PDGFD: variants seen among roughly 807,000 people sequenced by gnomAD.
PDGFD encodes the protein platelet derived growth factor D.
Under a neutral mutation model 44.7 loss-of-function variants are expected in PDGFD, and 30 were observed. The observed-to-expected ratio is 0.67, with a 90% CI of 0.50 to 0.91. PDGFD has a LOEUF of 0.91. Ranked by LOEUF, PDGFD falls within the 40% of genes least tolerant of loss-of-function variation. The pLI is 0.00. For missense variants in PDGFD, 445 were observed against 457.8 expected (o/e 0.97, Z 0.25); for synonymous variants, 173 against 168.4 (o/e 1.03, Z -0.21).
rs553980356 is a variant in PDGFD, at chr11:104,063,653, A to G, written c.125-63398T>C. On this transcript the variant is annotated intron_variant, in intron 1 of 6. Transcript: ENST00000393158. ...TGGCTGGGGAGGCCTCAGGAAACTT[A>G]CAATCATGACAGAAGGTAAAGGGGA... Among the ~76,000 whole-genome samples, 6 of 152,296 alleles carry G rather than the reference A, an allele frequency of 3.9e-5. No homozygotes were observed. The Middle Eastern group carries it at 0.01, about 259-fold the overall frequency.
chr11:103,985,133 TTAATATA>T (rs1319604602), intron 3 of PDGFD, among the ~76,000 whole-genome samples: 7 of 141,454 alleles, frequency 4.9e-5, no homozygotes, highest in Non-Finnish European at 9.1e-5. Context: ...ATTAATTTAT[TTAATATA>T]TAATATATTA....
intron 3 of PDGFD, among the ~76,000 whole-genome samples, chr11:103,995,465 GC>G (rs1859520575): frequency 6.6e-6 from 1 of 152,166 alleles, no homozygotes; most frequent in African/African-American, 2.4e-5. Context: ...GAGAATGGCT[GC>G]TGAGGTGTTT....
intron 1 of PDGFD, among the ~76,000 whole-genome samples, chr11:104,053,569 G>A (rs1860575223): frequency 6.6e-6 from 1 of 152,100 alleles, no homozygotes; most frequent in Non-Finnish European, 1.5e-5. Context: ...ATAAATTGCA[G>A]ATAAACTATT....
At chr11:104,064,365 T>C (rs932625493) in intron 1 of PDGFD, among the ~76,000 whole-genome samples, 1 of 152,210 alleles carries the variant, frequency 6.6e-6, no homozygotes, top group Non-Finnish European at 1.5e-5. Flanking sequence ...GTATTCTTTA[T>C]ACAGATGCCA....
At chr11:104,028,199 A>T (rs1318945131) in intron 1 of PDGFD, among the ~76,000 whole-genome samples, 1 of 151,810 alleles carries the variant, frequency 6.6e-6, no homozygotes, top group Non-Finnish European at 1.5e-5. Flanking sequence ...AAGAAAAAAA[A>T]AAAAAAAAAA....
chr11:104,043,213 A>C (rs1246501756), intron 1 of PDGFD, among the ~76,000 whole-genome samples: 1 of 152,178 alleles, frequency 6.6e-6, no homozygotes, highest in Admixed American at 6.5e-5. Context: ...AAATACAACA[A>C]GGAAGGATCT....
intron 1 of PDGFD, among the ~76,000 whole-genome samples, chr11:104,004,008 A>G (rs1164976744): frequency 1.3e-5 from 2 of 152,246 alleles, no homozygotes; most frequent in Non-Finnish European, 2.9e-5. Flanking sequence ...CAATAGACGG[A>G]GAAAAGACCA....
intron 1 of PDGFD, among the ~76,000 whole-genome samples, chr11:104,146,823 G>A (rs546995245): frequency 9.9e-5 from 15 of 152,068 alleles, no homozygotes; most frequent in African/African-American, 3.4e-4. Context: ...TATTCCAGGA[G>A]CCAGAGGGGA....
intron 1 of PDGFD, among the ~76,000 whole-genome samples, chr11:104,005,999 T>C (rs1358061348): frequency 6.6e-6 from 1 of 152,240 alleles, no homozygotes; most frequent in Non-Finnish European, 1.5e-5. Flanking sequence ...AATTAAAATT[T>C]TTAAAAAGCC....
intron 1 of PDGFD, among the ~76,000 whole-genome samples, chr11:104,144,282 G>A (rs541676627): frequency 6.6e-6 from 1 of 152,114 alleles, no homozygotes; most frequent in South Asian, 2.1e-4. Flanking sequence ...CGAAGTGGGT[G>A]GGTCACTTGA....
At chr11:103,958,061 A>T (rs1044177897) in intron 3 of PDGFD, among the ~76,000 whole-genome samples, 1 of 152,160 alleles carries the variant, frequency 6.6e-6, no homozygotes, top group African/African-American at 2.4e-5. Flanking sequence ...TAAAAAAAAA[A>T]ACTCTGTGAT....
At position 104,140,694 on chromosome 11, in the gene PDGFD, C is replaced by G. The variant is rs567833282; in HGVS notation, c.124+23110G>C. Among the ~76,000 whole-genome samples, 5 of 152,266 alleles carry G rather than the reference C, an allele frequency of 3.3e-5. No homozygotes were observed. In the South Asian group the frequency reaches 6.2e-4, roughly 19 times the overall value. Reference sequence around the variant, plus strand: ...CTAGACATTTCTAACTATATCCCCCCCTGAACATTATCCTGGCAACTGAAG... The same window carrying G: ...CTAGACATTTCTAACTATATCCCCCGCTGAACATTATCCTGGCAACTGAAG... On this transcript the variant is annotated intron_variant, in intron 1 of 6. Transcript: ENST00000393158.
At chr11:103,971,793 C>T (rs550566014) in intron 3 of PDGFD, among the ~76,000 whole-genome samples, 14 of 152,256 alleles carry the variant, frequency 9.2e-5, no homozygotes, top group Admixed American at 3.3e-4. Context: ...ATTATATCAG[C>T]GAAGAACACT....
chr11:103,997,433 T>C (rs1328018349), intron 2 of PDGFD, among the ~76,000 whole-genome samples: 2 of 152,148 alleles, frequency 1.3e-5, no homozygotes, highest in Non-Finnish European at 2.9e-5. Flanking sequence ...TAAAAAATAA[T>C]GATATTGTGA....
intron 1 of PDGFD, among the ~76,000 whole-genome samples, chr11:104,040,704 T>G (rs1306948505): frequency 7.6e-6 from 1 of 130,782 alleles, no homozygotes; most frequent in African/African-American, 2.5e-5. Flanking sequence ...ATATTCAAAG[T>G]TCAGTGATTT....
In PDGFD at chr11:103,949,383, C is replaced by T. The variant is rs1410663481; in HGVS notation, c.511-1659G>A. ...TCTGCACTCTGCAAAACAGAATAGA[C>T]ACTAAAAGGACACTGAATTCCCACA... On this transcript the variant is annotated intron_variant, in intron 3 of 6. Transcript: ENST00000393158. Among the ~76,000 whole-genome samples the T allele has an allele frequency of 2.0e-5, 3 of 152,174 alleles. No individual in the cohort carries two copies. The East Asian group carries it at 5.8e-4, about 29-fold the overall frequency.
chr11:104,055,786 A>C (rs142890947), intron 1 of PDGFD, among the ~76,000 whole-genome samples: 1 of 152,182 alleles, frequency 6.6e-6, no homozygotes, highest in South Asian at 2.1e-4. Context: ...ATTACTACTG[A>C]AGTACAAGCA....
chr11:104,048,748 CACTG>C (rs1164959762), intron 1 of PDGFD, among the ~76,000 whole-genome samples: 1 of 152,162 alleles, frequency 6.6e-6, no homozygotes, highest in Non-Finnish European at 1.5e-5. Context: ...AAAAAATAGA[CACTG>C]AGAGTTATAC....
chr11:103,950,494 C>T (rs757169717), intron 3 of PDGFD, among the ~76,000 whole-genome samples: 34 of 151,510 alleles, frequency 2.2e-4, no homozygotes, highest in Admixed American at 6.6e-4. Context: ...ACCTGGGAGG[C>T]GGAGGTTGCA....
Sources: gnomAD v4.1 joint callset for allele counts (sites outside exome capture counted in the v4.1 genomes callset) on GRCh38, gnomAD v4.1.1 for gene constraint, MANE v1.5 for transcripts, NCBI Gene and HGNC (gene_info 2026-07-23, HGNC 2026-07-21) for gene names.